COL24A1: variants seen among roughly 807,000 people sequenced by gnomAD.
COL24A1 encodes the protein collagen type XXIV alpha 1 chain, also known as collagen alpha-1(XXIV) chain.
COL24A1 carries 224 observed loss-of-function variants against 253.9 expected under a neutral mutation model. That is an observed-to-expected ratio of 0.88 (90% CI 0.79 to 0.99). The LOEUF (loss-of-function observed/expected upper bound fraction) is 0.99. Ranked by LOEUF, COL24A1 falls within the 50% of genes least tolerant of loss-of-function variation. COL24A1 has a pLI of 0.00. For synonymous variants in COL24A1, 685 were observed against 673.7 expected (o/e 1.02, Z -0.26); for missense variants, 2,131 against 2,068.5 (o/e 1.03, Z -0.59).
intron 28 of COL24A1, among the ~76,000 whole-genome samples, chr1:85,898,406 A>G (rs1240743749): frequency 2.0e-5 from 3 of 152,208 alleles, no homozygotes; most frequent in Non-Finnish European, 4.4e-5. Context: ...TGGACAGAAC[A>G]CACACTTCAT....
Position 85,731,797 on chromosome 1 carries a change from C to A in COL24A1, c.4999-1105G>T, listed in dbSNP as rs375336765. On this transcript the variant is annotated intron_variant, in intron 59 of 59. Coordinates refer to ENST00000370571, the MANE Select transcript of COL24A1 (RefSeq NM_152890.7). The stretch of plus-strand genomic sequence containing the variant: ...AAATGTAGATAGTTAGTAAATTCCA[C>A]ATTTCTAACTAGAGTACTCAGGGAA... 2.5e-4 allele frequency among the ~76,000 whole-genome samples: 38 copies of A among 152,140 alleles called. 1 individual carries two copies. The highest frequency in any genetic ancestry group is 1.2e-3 in the East Asian group (6 of 5,194).
intron 32 of COL24A1, among the ~76,000 whole-genome samples, 187 bp from the exon 33 acceptor site, chr1:85,877,362 G>A (rs1681299105): frequency 1.3e-5 from 2 of 152,068 alleles, no homozygotes; most frequent in African/African-American, 4.8e-5. Context: ...TCATGTATGT[G>A]TGTGTGTTTT....
At chr1:85,792,689 C>T (rs1412770609) in intron 47 of COL24A1, among the ~76,000 whole-genome samples, 2 of 151,598 alleles carry the variant, frequency 1.3e-5, no homozygotes, top group Non-Finnish European at 2.9e-5. Context: ...GCCTGGGCAA[C>T]AGAGTGAGAC....
rs531025128 is a variant in COL24A1 at position 85,983,727 on chromosome 1, A to T, written c.2364+3874T>A. 7.9e-5 allele frequency among the ~76,000 whole-genome samples: 12 copies of T among 151,958 alleles called. No homozygotes were observed. In the South Asian group the frequency reaches 2.5e-3, roughly 31 times the overall value. ...GTACACCCAGCTAAAGAAACACATCATGTTAACAGGGTCAGTATGTTTGGC... is the reference window on the plus strand; with the variant it reads ...GTACACCCAGCTAAAGAAACACATCTTGTTAACAGGGTCAGTATGTTTGGC... On this transcript the variant is annotated intron_variant, in intron 20 of 59. Coordinates refer to ENST00000370571, the MANE Select transcript of COL24A1 (RefSeq NM_152890.7).
At chr1:85,905,931 C>G (rs946087275) in intron 28 of COL24A1, among the ~76,000 whole-genome samples, 2 of 151,954 alleles carry the variant, frequency 1.3e-5, no homozygotes, top group African/African-American at 4.8e-5. Flanking sequence ...ATGACTTATA[C>G]AAAGTTGAAT....
At chr1:86,118,066 C>CTT (rs35013223) in intron 3 of COL24A1, among the ~76,000 whole-genome samples, 200 of 146,736 alleles carry the variant, frequency 1.4e-3, no homozygotes, top group Middle Eastern at 3.6e-3. Flanking sequence ...GTCTAATTAA[C>CTT]TTTTTTTTTT....
chr1:86,007,826 C>T (rs201487523), intron 19 of COL24A1, among the ~76,000 whole-genome samples: 13 of 152,070 alleles, frequency 8.5e-5, no homozygotes, highest in South Asian at 2.1e-4. Context: ...GAGGGATGAA[C>T]GGGCAGAGCA....
chr1:86,006,105 A>C (rs1695931443), intron 19 of COL24A1, among the ~76,000 whole-genome samples: 1 of 152,198 alleles, frequency 6.6e-6, no homozygotes, highest in Admixed American at 6.5e-5. Flanking sequence ...TGATCTATAG[A>C]TTCAATGCAA....
intron 28 of COL24A1, among the ~76,000 whole-genome samples, chr1:85,898,620 C>G (rs1683996466): frequency 6.6e-6 from 1 of 152,180 alleles, no homozygotes; most frequent in South Asian, 2.1e-4. Context: ...TTTCATAGAT[C>G]AGTATTTTTT....
intron 7 of COL24A1, among the ~76,000 whole-genome samples, chr1:86,066,519 C>A (rs567720411): frequency 2.0e-5 from 3 of 152,018 alleles, no homozygotes; most frequent in Admixed American, 6.5e-5. Flanking sequence ...GCTGGGATTA[C>A]AGGCGTGAGC....
chr1:86,135,496 T>A (rs1572043753), intron 2 of COL24A1, among the ~76,000 whole-genome samples: 1 of 152,084 alleles, frequency 6.6e-6, no homozygotes, highest in African/African-American at 2.4e-5. Flanking sequence ...GTCTCATATA[T>A]CATTTCTCTA....
intron 28 of COL24A1, among the ~76,000 whole-genome samples, chr1:85,897,393 C>T (rs913461557): frequency 1.3e-5 from 2 of 151,186 alleles, no homozygotes; most frequent in Admixed American, 6.6e-5. Context: ...TGTACACGTA[C>T]CCCTGAACTT....
chr1:85,823,953 T>G (rs929293110), intron 43 of COL24A1, among the ~76,000 whole-genome samples: 1 of 150,990 alleles, frequency 6.6e-6, no homozygotes, highest in African/African-American at 2.4e-5. Context: ...TCTTTCTTTC[T>G]TTTTTTTTAA....
intron 43 of COL24A1, among the ~76,000 whole-genome samples, chr1:85,826,317 G>C: frequency 6.8e-6 from 1 of 147,302 alleles, no homozygotes; most frequent in South Asian, 2.3e-4. Flanking sequence ...ATGCTGTTTT[G>C]GTTACTGTAG....
intron 42 of COL24A1, among the ~76,000 whole-genome samples, chr1:85,839,241 T>C (rs1387202356): frequency 6.6e-6 from 1 of 151,848 alleles, no homozygotes; most frequent in Non-Finnish European, 1.5e-5. Flanking sequence ...CAACAAAATG[T>C]TTCAATTAGT....
chr1:86,141,570 C>G (rs193019031), intron 2 of COL24A1, among the ~76,000 whole-genome samples: 3 of 152,212 alleles, frequency 2.0e-5, no homozygotes, highest in African/African-American at 7.2e-5. Context: ...GGATCCTTCT[C>G]TACATGCCTT....
intron 5 of COL24A1, among the ~76,000 whole-genome samples, chr1:86,098,622 A>G (rs576018410): frequency 2.0e-5 from 3 of 152,218 alleles, no homozygotes; most frequent in Non-Finnish European, 4.4e-5. Flanking sequence ...AGGAAGGGCC[A>G]TGCTTTAGAA....
rs540146784 is a variant in COL24A1 at position 86,076,445 on chromosome 1, C to T, written c.1708-12686G>A. Reference sequence around the variant, plus strand: ...GCTCATGGATTGGAAGAATCAATATCATGAAAATGGCCATACTGTCCCAAG... The same window carrying T: ...GCTCATGGATTGGAAGAATCAATATTATGAAAATGGCCATACTGTCCCAAG... On this transcript the variant is annotated intron_variant, in intron 7 of 59. Coordinates refer to ENST00000370571, the MANE Select transcript of COL24A1 (RefSeq NM_152890.7). 1.5e-3 allele frequency among the ~76,000 whole-genome samples: 233 copies of T among 152,238 alleles called. 1 individual carries two copies. Among genetic ancestry groups the T allele is most frequent in the Non-Finnish European group, 2.5e-3 (173 of 67,994 alleles).
At chr1:86,058,291 A>C (rs1402828429) in intron 9 of COL24A1, among the ~76,000 whole-genome samples, 2 of 151,760 alleles carry the variant, frequency 1.3e-5, no homozygotes, top group African/African-American at 2.4e-5. Flanking sequence ...ATTTCTAATT[A>C]ACTTATTCTA....
Sources: allele counts gnomAD v4.1 joint callset (sites outside exome capture counted in the v4.1 genomes callset), GRCh38; gene constraint gnomAD v4.1.1; transcripts MANE v1.5; gene names NCBI Gene and HGNC (gene_info 2026-07-23, HGNC 2026-07-21).